Variants in PTPN13 observed in about 807,000 individuals in gnomAD.
The protein encoded by PTPN13 is protein tyrosine phosphatase non-receptor type 13, also known as tyrosine-protein phosphatase non-receptor type 13.
PTPN13 carries 191 observed loss-of-function variants against 284.0 expected under a neutral mutation model. The ratio of observed to expected loss-of-function variants is 0.67; its 90% CI spans 0.60 to 0.76. The LOEUF is 0.76. Among genes scored for constraint, PTPN13 ranks in the 30% least tolerant of loss-of-function variants. The probability of loss-of-function intolerance (pLI) is 0.00; values close to 1 mark genes in which losing one functional copy is unlikely to be tolerated. For missense variants in PTPN13, 2,797 were observed against 2,939.9 expected, an observed-to-expected ratio of 0.95 and a Z score of 1.12; for synonymous variants, 986 against 1,022.3, an observed-to-expected ratio of 0.96 and a Z score of 0.68.
At chr4:86,811,812 C>T (rs1745243376) in intron 47 of PTPN13, among the ~76,000 whole-genome samples, 1 of 152,154 alleles carries the variant, frequency 6.6e-6, no homozygotes, top group Admixed American at 6.5e-5. Flanking sequence ...GGGAAATTTG[C>T]TATCTTTAAA....
At chr4:86,627,145 T>A (rs1721927056) in intron 1 of PTPN13, among the ~76,000 whole-genome samples, 2 of 152,056 alleles carry the variant, frequency 1.3e-5, no homozygotes. Context: ...TCATATGAAA[T>A]ATCTAAAATA....
intron 19 of PTPN13, among the ~76,000 whole-genome samples, chr4:86,751,574 C>T (rs1737391848): frequency 6.6e-6 from 1 of 152,104 alleles, no homozygotes; most frequent in Admixed American, 6.5e-5. Flanking sequence ...CCCACCTTGG[C>T]CTCCCAAAGT....
At chr4:86,595,238 G>A (rs941089414) in intron 1 of PTPN13, among the ~76,000 whole-genome samples, 3 of 152,070 alleles carry the variant, frequency 2.0e-5, no homozygotes, top group African/African-American at 7.2e-5. Flanking sequence ...CCGCCCAGAA[G>A]AATGTGTGTG....
intron 46 of PTPN13, 109 bp downstream of exon 46, chr4:86,810,093 G>A: frequency 1.3e-6 from 1 of 789,788 alleles, no homozygotes; most frequent in Non-Finnish European, 1.9e-6. Flanking sequence ...GAGTTTATAT[G>A]ACTGCCTTCA....
At chr4:86,615,691 A>G (rs900652496) in intron 1 of PTPN13, among the ~76,000 whole-genome samples, 6 of 152,134 alleles carry the variant, frequency 3.9e-5, no homozygotes, top group African/African-American at 9.7e-5. Flanking sequence ...CATTATCTCA[A>G]GAGTTTTTCT....
rs771977477 is a variant in PTPN13, at chr4:86,772,963, GT to G, written c.5349+7del. ...CACCTTGAAGACTTTGAACTGGTAAGTTGTTTTCTCTATATTTAAAAAAAAA... is the reference window on the plus strand; with the variant it reads ...CACCTTGAAGACTTTGAACTGGTAAGTGTTTTCTCTATATTTAAAAAAAAA... On this transcript the variant is annotated splice_donor_region_variant and intron_variant, in intron 32 of 47. Coordinates refer to ENST00000411767, the MANE Select transcript of PTPN13 (RefSeq NM_080683.3). 1.3e-6 allele frequency: 2 copies of G among 1,545,272 alleles called. No individual in the cohort carries two copies. The highest frequency in any genetic ancestry group is 2.1e-5 in the Admixed American group (1 of 48,576).
rs1160150258 is a variant in PTPN13, at chr4:86,805,335, C to T, written c.6711C>T (p.Asn2237=). 1.2e-6 allele frequency: 2 copies of T among 1,600,942 alleles called. No homozygotes were observed. Among genetic ancestry groups the T allele is most frequent in the Admixed American group, 3.4e-5 (2 of 59,228 alleles). ...DQCLIGQTKE[N]RRKNRYKNIL... ...GTCTAATTGGGCAAACTAAGGAAAA[C>T]AGAAGGAAGAACAGATATAAAAATA... Residue 2237 remains asparagine (N), a synonymous_variant, in exon 44 of 48, where the codon AAC becomes AAT. Coordinates refer to ENST00000411767, the MANE Select transcript of PTPN13 (RefSeq NM_080683.3).
rs184623895 is a variant in PTPN13, at chr4:86,639,569, A to G, written c.115+4198A>G. Among the ~76,000 whole-genome samples, 763 of 152,050 alleles carry G rather than the reference A, an allele frequency of 5.0e-3. 5 individuals carry two copies. Among genetic ancestry groups the G allele is most frequent in the African/African-American group, 0.018 (730 of 41,474 alleles). On this transcript the variant is annotated intron_variant, in intron 2 of 47. Transcript: ENST00000411767. The stretch of plus-strand genomic sequence containing the variant: ...TGGAAATCATCATTCTCAGCAAACT[A>G]TCGCAAGGACAAAAAACCAAACACC...
intron 42 of PTPN13, among the ~76,000 whole-genome samples, chr4:86,803,462 GCA>G (rs1744280459): frequency 6.6e-6 from 1 of 151,988 alleles, no homozygotes. Context: ...CACAGAGGGT[GCA>G]TGACTGTGGT....
At position 86,732,687 on chromosome 4, in the gene PTPN13, A is replaced by G. The variant is rs775928372; in HGVS notation, c.1779A>G (p.Ile593Met). ...RLELTCDTKT[I>M]CKDVFDMVVA... ...AACTGACCTGTGATACCAAAACTAT[A>G]TGTAAAGATGTGTTTGATATGGTTG... The change falls in exon 12 of 48, where the codon ATA becomes ATG. Residue 593 changes from isoleucine (I) to methionine (M), a missense_variant. Ile to Met is a conservative substitution (Grantham distance 10). Coordinates refer to ENST00000411767, the MANE Select transcript of PTPN13 (RefSeq NM_080683.3). 2.5e-6 allele frequency: 4 copies of G among 1,613,610 alleles called. No homozygotes were observed. The South Asian group carries it at 4.4e-5, about 18-fold the overall frequency.
intron 1 of PTPN13, among the ~76,000 whole-genome samples, chr4:86,625,832 A>G (rs987783064): frequency 5.3e-5 from 8 of 152,172 alleles, no homozygotes; most frequent in South Asian, 2.1e-4. Context: ...TGCTTAGCAC[A>G]CTATTTTTTA....
At chr4:86,781,094 TC>T (rs912810985) in intron 36 of PTPN13, among the ~76,000 whole-genome samples, 14 of 152,210 alleles carry the variant, frequency 9.2e-5, no homozygotes, top group African/African-American at 3.1e-4. Context: ...ATAATATTTT[TC>T]TTGCAAGGAA....
chr4:86,706,098 A>T (rs1731737914), intron 7 of PTPN13, among the ~76,000 whole-genome samples: 1 of 152,192 alleles, frequency 6.6e-6, no homozygotes, highest in Non-Finnish European at 1.5e-5. Flanking sequence ...CAAGACCTTC[A>T]AATCATGGAA....
chr4:86,791,511 A>G (rs1015651763), intron 40 of PTPN13, among the ~76,000 whole-genome samples: 1 of 152,206 alleles, frequency 6.6e-6, no homozygotes, highest in South Asian at 2.1e-4. Context: ...TTCTCCCAGC[A>G]TGGCGTTCGA....
chr4:86,732,498 T>C (rs780896157), intron 11 of PTPN13, 24 bp downstream of exon 11: 3 of 1,593,354 alleles, frequency 1.9e-6, no homozygotes, highest in Non-Finnish European at 2.6e-6. Context: ...CCAATTTGTG[T>C]CACTCTTAGA....
chr4:86,626,220 A>T (rs1311555538), intron 1 of PTPN13, among the ~76,000 whole-genome samples: 1 of 152,138 alleles, frequency 6.6e-6, no homozygotes, highest in East Asian at 1.9e-4. Context: ...GAAAGCAGGG[A>T]CTAGGCATAC....
At chr4:86,713,076 ACAAGGCATAACATC>A (rs1351626156) in intron 7 of PTPN13, among the ~76,000 whole-genome samples, 8 of 152,216 alleles carry the variant, frequency 5.3e-5, no homozygotes, top group East Asian at 1.9e-4. Flanking sequence ...TGAAATTGTA[ACAAGGCATAACATC>A]CAAGTGACTA....
At chr4:86,800,911 C>G (rs1743959711) in intron 42 of PTPN13, among the ~76,000 whole-genome samples, 1 of 152,118 alleles carries the variant, frequency 6.6e-6, no homozygotes, top group Non-Finnish European at 1.5e-5. Flanking sequence ...ATTTTGTATT[C>G]CCAGCCAACC....
intron 40 of PTPN13, 76 bp from the exon 41 acceptor site, chr4:86,796,798 A>T: frequency 1.1e-6 from 1 of 913,706 alleles, no homozygotes; most frequent in Non-Finnish European, 1.7e-6. Context: ...ATAGGAAATA[A>T]CTAACAGGAA....
Sources: gnomAD v4.1 joint callset for allele counts (sites outside exome capture counted in the v4.1 genomes callset) on GRCh38, gnomAD v4.1.1 for gene constraint, MANE v1.5 for transcripts, NCBI Gene and HGNC (gene_info 2026-07-23, HGNC 2026-07-21) for gene names.